The following STRN3 variants were observed in gnomAD, a reference collection of about 807,000 sequenced individuals.
STRN3 encodes the protein striatin 3.
STRN3 carries 29 observed loss-of-function variants against 95.6 expected under a neutral mutation model. The observed-to-expected ratio is 0.30, with a 90% CI of 0.23 to 0.41. The LOEUF is 0.41. Among genes scored for constraint, STRN3 ranks in the 10% least tolerant of loss-of-function variants. STRN3 has a pLI of 1.00. For synonymous variants in STRN3, 331 were observed against 357.6 expected (o/e 0.93, Z 0.84); for missense variants, 890 against 972.1 (o/e 0.92, Z 1.12).
intron 1 of STRN3, among the ~76,000 whole-genome samples, chr14:30,985,201 G>A (rs780620589): frequency 2.0e-5 from 3 of 151,222 alleles, no homozygotes; most frequent in Non-Finnish European, 4.4e-5. Flanking sequence ...CCAACTACTC[G>A]GGAGGCTGAG....
At chr14:30,937,727 C>G (rs1408020675) in intron 5 of STRN3, among the ~76,000 whole-genome samples, 1 of 152,118 alleles carries the variant, frequency 6.6e-6, no homozygotes, top group African/African-American at 2.4e-5. Context: ...ATTTCTTTAC[C>G]TGTAAATTGT....
chr14:31,009,047 GA>G (rs1239301616), intron 1 of STRN3, among the ~76,000 whole-genome samples: 1 of 150,738 alleles, frequency 6.6e-6, no homozygotes, highest in Non-Finnish European at 1.5e-5. Flanking sequence ...TCAAAAAAAA[GA>G]AAAAAAATTA....
At chr14:31,016,733 C>T (rs1028509315) in intron 1 of STRN3, among the ~76,000 whole-genome samples, 3 of 152,020 alleles carry the variant, frequency 2.0e-5, no homozygotes, top group East Asian at 1.9e-4. Flanking sequence ...TTAGTAGAAA[C>T]GGCGTTTCAC....
rs141399967 is a variant in STRN3 at position 30,963,253 on chromosome 14, G to GT, written c.283-7012dup. 8.5e-3 allele frequency among the ~76,000 whole-genome samples: 1,292 copies of GT among 152,142 alleles called. 21 individuals are homozygous for GT. Among genetic ancestry groups the GT allele is most frequent in the African/African-American group, 0.028 (1,156 of 41,500 alleles). On this transcript the variant is annotated intron_variant, in intron 1 of 17. Transcript: ENST00000357479. The stretch of plus-strand genomic sequence containing the variant: ...AATGGATAGAACCACCAGACAAATG[G>GT]TAAGGAAGAAAATAGAGGATCTGAA...
chr14:30,936,751 C>T, intron 5 of STRN3, 127 bp from the exon 6 acceptor site: 1 of 1,122,430 alleles, frequency 8.9e-7, no homozygotes. Context: ...TGTCTGAGGG[C>T]TTTATTCAAG....
chr14:31,014,332 T>C (rs1295063565), intron 1 of STRN3, among the ~76,000 whole-genome samples: 1 of 152,050 alleles, frequency 6.6e-6, no homozygotes, highest in East Asian at 1.9e-4. Context: ...GTGATTCTCC[T>C]GCCTCAGCCT....
At position 30,912,162 on chromosome 14, in the gene STRN3, G is replaced by A. The variant is rs567061192; in HGVS notation, c.1395C>T (p.Ala465=). 1 of 1,609,308 alleles carries A rather than the reference G, an allele frequency of 6.2e-7. No homozygotes were observed. Among genetic ancestry groups the A allele is most frequent in the East Asian group, 2.2e-5 (1 of 44,846 alleles). ...ACTTGGGATTCCATGTCTTTCGAAA[G>A]GCATCTTTATTAGCAGGCAACTAAA... ...YSYDLPANKD[A]FRKTWNPKYT... The change falls in exon 11 of 18, where the codon GCC becomes GCT. Residue 465 remains alanine (A), a synonymous_variant. Transcript: ENST00000357479.
chr14:30,954,843 C>T (rs1220684458), intron 3 of STRN3, among the ~76,000 whole-genome samples: 1 of 151,270 alleles, frequency 6.6e-6, no homozygotes, highest in African/African-American at 2.4e-5. Flanking sequence ...ACACACAGAC[C>T]AAGCCCTACA....
In STRN3 at chr14:31,025,947, T is replaced by C; in HGVS notation, c.239A>G (p.Glu80Gly). ...CACCTCCCAGTGCGCCCGCTCCATC[T>C]CGAACCGAGCCCACTCGTGCTGGAT... ...HYIQHEWARF[E>G]MERAHWEVER... The change falls in exon 1 of 18, where the codon GAG (glutamate) becomes GGG (glycine). Residue 80 changes from glutamate (E) to glycine (G), a missense_variant. Transcript: ENST00000357479. 1 of 1,597,894 alleles carries C rather than the reference T, an allele frequency of 6.3e-7. No homozygotes were observed. The highest frequency in any genetic ancestry group is 8.5e-7 in the Non-Finnish European group (1 of 1,172,796).
intron 8 of STRN3, among the ~76,000 whole-genome samples, chr14:30,924,623 T>C (rs1338846596): frequency 1.3e-5 from 2 of 152,066 alleles, no homozygotes; most frequent in African/African-American, 4.8e-5. Flanking sequence ...TTTTGGAGGT[T>C]GAGGTGAGAT....
At chr14:30,953,264 T>G (rs1194043819) in intron 3 of STRN3, among the ~76,000 whole-genome samples, 1 of 152,170 alleles carries the variant, frequency 6.6e-6, no homozygotes, top group Admixed American at 6.5e-5. Flanking sequence ...AACAAAACAT[T>G]ATCAGCATCC....
At chr14:30,992,603 G>A (rs966411222) in intron 1 of STRN3, among the ~76,000 whole-genome samples, 1 of 149,604 alleles carries the variant, frequency 6.7e-6, no homozygotes, top group Non-Finnish European at 1.5e-5. Flanking sequence ...ATGGGGTCGG[G>A]GGAAGCTAAC....
At chr14:30,926,169 CAT>C (rs1897023281) in intron 8 of STRN3, among the ~76,000 whole-genome samples, 1 of 152,066 alleles carries the variant, frequency 6.6e-6, no homozygotes, top group East Asian at 1.9e-4. Context: ...AAAAAAGAAA[CAT>C]AATTTATTTC....
At position 30,985,827 on chromosome 14, in the gene STRN3, C is replaced by G. The variant is rs143903727; in HGVS notation, c.283-29585G>C. 3.2e-3 allele frequency among the ~76,000 whole-genome samples: 491 copies of G among 152,294 alleles called. 3 individuals carry two copies. The highest frequency in any genetic ancestry group is 0.011 in the African/African-American group (462 of 41,572). ...TTGCACACGTATCTTTTGCTAATAT[C>G]TTAGGCTCACATTAATATCCTTTTC... On this transcript the variant is annotated intron_variant, in intron 1 of 17. Coordinates refer to ENST00000357479, the MANE Select transcript of STRN3 (RefSeq NM_001083893.2).
At chr14:30,947,294 A>T in intron 4 of STRN3, 31 bp from the exon 5 acceptor site, 1 of 1,521,806 alleles carries the variant, frequency 6.6e-7, no homozygotes, top group Non-Finnish European at 8.8e-7. Flanking sequence ...TAAAATCCAC[A>T]TACTGTTAAC....
Position 30,919,026 on chromosome 14 carries a change from TA to T in STRN3, c.1179del (p.Asn394IlefsTer10). ...CTAGTAGAGGCTGACCTAGACTGATTAATGATTCCTGAAGGGATGTGGGGCA... is the reference window on the plus strand; with the variant it reads ...CTAGTAGAGGCTGACCTAGACTGATTATGATTCCTGAAGGGATGTGGGGCA... ...DELPHIPSGI[I>X]NQSRSASTRM... On this transcript the variant is annotated frameshift_variant, in exon 9 of 18. Transcript: ENST00000357479. LOFTEE classifies it high-confidence loss of function. 1 of 1,612,510 alleles carries T rather than the reference TA, an allele frequency of 6.2e-7. No homozygotes were observed. The highest frequency in any genetic ancestry group is 8.5e-7 in the Non-Finnish European group (1 of 1,179,044).
intron 1 of STRN3, among the ~76,000 whole-genome samples, chr14:30,966,566 C>A (rs1231455929): frequency 6.6e-6 from 1 of 152,156 alleles, no homozygotes; most frequent in Non-Finnish European, 1.5e-5. Context: ...GACTGGCCAG[C>A]AACCTAGCTT....
At chr14:30,929,964 A>AAAAAAAAAAAAAAAAG (rs1878421314) in intron 7 of STRN3, among the ~76,000 whole-genome samples, 1 of 147,224 alleles carries the variant, frequency 6.8e-6, no homozygotes, top group Non-Finnish European at 1.5e-5. Context: ...CAAAAAAAAA[A>AAAAAAAAAAAAAAAAG]AAAAAAAAAA....
intron 1 of STRN3, among the ~76,000 whole-genome samples, chr14:31,020,522 A>G (rs533999909): frequency 6.6e-6 from 1 of 152,234 alleles, no homozygotes; most frequent in East Asian, 1.9e-4. Context: ...GAAAGTGCTC[A>G]ATAAATATTA....
Sources: gnomAD v4.1 joint callset for allele counts (sites outside exome capture counted in the v4.1 genomes callset) on GRCh38, gnomAD v4.1.1 for gene constraint, MANE v1.5 for transcripts, NCBI Gene and HGNC (gene_info 2026-07-23, HGNC 2026-07-21) for gene names.